GPR174: variants seen among roughly 807,000 people sequenced by gnomAD.
GPR174 encodes probable G protein-coupled receptor 174.
A neutral mutation model predicts 16.5 loss-of-function variants in GPR174; 8 were observed. The ratio of observed to expected loss-of-function variants is 0.48; its 90% CI spans 0.28 to 0.87. The LOEUF (loss-of-function observed/expected upper bound fraction) is 0.87, where lower values mean the gene tolerates loss of function less well. Ranked by LOEUF, GPR174 falls within the 40% of genes least tolerant of loss-of-function variation. The pLI is 0.09. For synonymous variants in GPR174, 111 were observed against 94.8 expected, an observed-to-expected ratio of 1.17 and a Z score of -0.99; for missense variants, 214 against 247.5, an observed-to-expected ratio of 0.86 and a Z score of 0.91.
chrX:79,157,909 G>GA (rs776777651), intron 2 of GPR174, among the ~76,000 whole-genome samples: 1 of 108,850 alleles, frequency 9.2e-6, no homozygotes, highest in Non-Finnish European at 1.9e-5. Flanking sequence ...AAACATGGGG[G>GA]AAAAAAACAC....
chrX:79,146,509 C>A (rs1453022857), intron 1 of GPR174, among the ~76,000 whole-genome samples: 2 of 112,037 alleles, frequency 1.8e-5, no homozygotes, highest in Non-Finnish European at 3.8e-5. Context: ...ACCAGTCACA[C>A]TGGCAAACAT....
Position 79,172,089 on chromosome X carries a change from C to A in GPR174, c.*80C>A. 4 of 1,002,189 alleles carry A rather than the reference C, an allele frequency of 4.0e-6. No individual in the cohort carries two copies. Among genetic ancestry groups the A allele is most frequent in the Non-Finnish European group, 4.1e-6 (3 of 738,240 alleles). 82.6% of individuals were successfully genotyped at this position (1,002,189 alleles called of 1,213,427 possible). A position where few individuals can be genotyped will look rare whatever the true frequency, so the allele number is the denominator to read the frequency against. The stretch of plus-strand genomic sequence containing the variant: ...GCAATACCCAAGCCACAGGGAAGAA[C>A]TTGCAAAACAACACAGCTTTTCAGT... On this transcript the variant is annotated 3_prime_UTR_variant, in exon 3 of 3. Transcript: ENST00000645147.
At chrX:79,154,382 A>G (rs1262480321) in intron 1 of GPR174, among the ~76,000 whole-genome samples, 2 of 111,965 alleles carry the variant, frequency 1.8e-5, no homozygotes, top group Non-Finnish European at 3.8e-5. Context: ...CACTTATCAC[A>G]TCGCAATAGT....
Position 79,173,072 on chromosome X carries a change from A to G in GPR174, c.*1063A>G, listed in dbSNP as rs1193131913. Reference sequence around the variant, plus strand: ...TTCTTACTCTAATACAAGGACACTTACTTAGCTTAGACTGCCAAGTTACTT... The same window carrying G: ...TTCTTACTCTAATACAAGGACACTTGCTTAGCTTAGACTGCCAAGTTACTT... On this transcript the variant is annotated 3_prime_UTR_variant, in exon 3 of 3. Transcript: ENST00000645147. The G allele has an allele frequency of 8.9e-6, 1 of 111,881 alleles. No homozygotes were observed. The highest frequency in any genetic ancestry group is 1.9e-5 in the Non-Finnish European group (1 of 53,171). The allele number at this position is 111,881 out of a possible 1,213,427, so 9.2% of individuals were successfully genotyped here. A position where few individuals can be genotyped will look rare whatever the true frequency, so the allele number is the denominator to read the frequency against.
At chrX:79,162,564 GA>G (rs977612136) in intron 2 of GPR174, among the ~76,000 whole-genome samples, 1 of 112,194 alleles carries the variant, frequency 8.9e-6, no homozygotes, top group African/African-American at 3.2e-5. Context: ...CTGCAAAGAT[GA>G]TACAGAAATG....
Position 79,144,984 on chromosome X carries a change from TTCTTTCTTTCTCTCTCTCTC to T in GPR174, c.-875_-856del, listed in dbSNP as rs1284728477. 6.2e-5 allele frequency: 4 copies of T among 64,201 alleles called. No individual in the cohort carries two copies. Among genetic ancestry groups the T allele is most frequent in the South Asian group, 1.0e-3 (1 of 980 alleles). The allele number at this position is 64,201 out of a possible 1,213,427, so 5.3% of individuals were successfully genotyped here. ...TTTCTTTCTCTTTCTTTCTTTTTCT[TTCTTTCTTTCTCTCTCTCTC>T]TCTTTCTTTCTTTCTTTCTTTCTTT... On this transcript the variant is annotated 5_prime_UTR_variant, in exon 1 of 3. Transcript: ENST00000645147.
At chrX:79,155,834 C>T (rs556365043) in intron 1 of GPR174, among the ~76,000 whole-genome samples, 5 of 111,553 alleles carry the variant, frequency 4.5e-5, no homozygotes, top group African/African-American at 1.3e-4. Flanking sequence ...AGCAAATTTG[C>T]GTAGGTGGAA....
intron 1 of GPR174, among the ~76,000 whole-genome samples, chrX:79,156,201 T>C (rs1483856178): frequency 8.9e-6 from 1 of 111,861 alleles, no homozygotes; most frequent in African/African-American, 3.3e-5. Context: ...CTTGGGCAAG[T>C]GATCATTAGG....
Position 79,164,718 on chromosome X carries a change from TAAAG to T in GPR174, c.-556-5731_-556-5728del, listed in dbSNP as rs1484362126. Reference sequence around the variant, plus strand: ...GGAAAAATGGTAGAAAATTGAGAAATAAAGAACCAGAATCCTGTTTAGTAGGAGT... The same window carrying T: ...GGAAAAATGGTAGAAAATTGAGAAATAACCAGAATCCTGTTTAGTAGGAGT... On this transcript the variant is annotated intron_variant, in intron 2 of 2. Transcript: ENST00000645147. 4.5e-5 allele frequency among the ~76,000 whole-genome samples: 5 copies of T among 111,634 alleles called. No homozygotes were observed. In the Middle Eastern group the frequency reaches 0.018, roughly 412 times the overall value.
rs769386433 is a variant in GPR174, at chrX:79,156,293, A to G, written c.-653-529A>G. On this transcript the variant is annotated intron_variant, in intron 1 of 2. Transcript: ENST00000645147. ...ATAAGAAACTATCTACAAGCATTTT[A>G]AGGGTACATGTAAGGCAGCTTTGTG... Among the ~76,000 whole-genome samples the G allele has an allele frequency of 3.6e-5, 4 of 112,152 alleles. No individual in the cohort carries two copies. The Admixed American group carries it at 3.8e-4, about 11-fold the overall frequency.
rs978800573 is a variant in GPR174 at position 79,175,182 on chromosome X, G to GCGCAAT, written c.*3178_*3179insTCGCAA. 1 of 111,491 alleles carries GCGCAAT rather than the reference G, an allele frequency of 9.0e-6. No individual in the cohort carries two copies. Among genetic ancestry groups the GCGCAAT allele is most frequent in the African/African-American group, 3.3e-5 (1 of 30,658 alleles). 9.2% of individuals were successfully genotyped at this position (111,491 alleles called of 1,213,427 possible). The stretch of plus-strand genomic sequence containing the variant: ...GAGAGGGTGCATCTGTGGAACTCTT[G>GCGCAAT]CGCAACTTACATTTTATGTCACCTT... On this transcript the variant is annotated 3_prime_UTR_variant, in exon 3 of 3. Transcript: ENST00000645147.
rs1450499246 is a variant in GPR174, at chrX:79,167,858, A to G, written c.-556-2594A>G. ...ACATATGTGTTTCCTCTCTTCATGA[A>G]ATTGACCTTTGAGGGAACTCATAGA... is the stretch of plus-strand genomic sequence containing the variant. On this transcript the variant is annotated intron_variant, in intron 2 of 2. Coordinates refer to ENST00000645147, the MANE Select transcript of GPR174 (RefSeq NM_032553.3). Among the ~76,000 whole-genome samples the G allele has an allele frequency of 5.4e-5, 6 of 112,070 alleles. No homozygotes were observed. The Admixed American group carries it at 5.7e-4, about 11-fold the overall frequency.
chrX:79,158,430 TTTTC>T (rs1330247896), intron 2 of GPR174, among the ~76,000 whole-genome samples: 2 of 91,158 alleles, frequency 2.2e-5, no homozygotes, highest in African/African-American at 3.9e-5. Flanking sequence ...GCATATTTCT[TTTTC>T]TTTCTTTCTT....
rs150069045 is a variant in GPR174, at chrX:79,162,337, C to T, written c.-557+5419C>T. Among the ~76,000 whole-genome samples, 14 of 109,822 alleles carry T rather than the reference C, an allele frequency of 1.3e-4. No homozygotes were observed. The East Asian group carries it at 2.5e-3, about 20-fold the overall frequency. On this transcript the variant is annotated intron_variant, in intron 2 of 2. Coordinates refer to ENST00000645147, the MANE Select transcript of GPR174 (RefSeq NM_032553.3). ...GACCAGTAAGGAAGAGCAAATTTCC[C>T]GGCAGATAGGCTTGAGGGGAGAGGA...
At position 79,172,815 on chromosome X, in the gene GPR174, A is replaced by G. The variant is rs1921552051; in HGVS notation, c.*806A>G. ...GAGAAAGCAGAAAGGTGACAATCAC[A>G]ATTCTGCTCTCTTACACTTTTTCTA... On this transcript the variant is annotated 3_prime_UTR_variant, in exon 3 of 3. Transcript: ENST00000645147. The G allele has an allele frequency of 9.0e-6, 1 of 111,656 alleles. No individual in the cohort carries two copies. The allele number at this position is 111,656 out of a possible 1,213,427, so 9.2% of individuals were successfully genotyped here.
chrX:79,150,677 C>T (rs1287514581), intron 1 of GPR174, among the ~76,000 whole-genome samples: 1 of 111,075 alleles, frequency 9.0e-6, no homozygotes, highest in Non-Finnish European at 1.9e-5. Flanking sequence ...ATAACCCTTT[C>T]CTGAGTGAGG....
At position 79,173,053 on chromosome X, in the gene GPR174, C is replaced by T. The variant is rs1175469444; in HGVS notation, c.*1044C>T. The T allele has an allele frequency of 8.9e-6, 1 of 111,763 alleles. No homozygotes were observed. Among genetic ancestry groups the T allele is most frequent in the African/African-American group, 3.3e-5 (1 of 30,708 alleles). The allele number at this position is 111,763 out of a possible 1,213,427, so 9.2% of individuals were successfully genotyped here. ...AATTCTCATCACATTGTATTTCTTA[C>T]TCTAATACAAGGACACTTACTTAGC... On this transcript the variant is annotated 3_prime_UTR_variant, in exon 3 of 3. Coordinates refer to ENST00000645147, the MANE Select transcript of GPR174 (RefSeq NM_032553.3).
chrX:79,159,708 A>G (rs959089627), intron 2 of GPR174, among the ~76,000 whole-genome samples: 3 of 111,925 alleles, frequency 2.7e-5, no homozygotes, highest in African/African-American at 9.7e-5. Context: ...ATGCCTTATT[A>G]TTTATCAAAA....
At chrX:79,153,518 T>C (rs932460241) in intron 1 of GPR174, among the ~76,000 whole-genome samples, 1 of 111,303 alleles carries the variant, frequency 9.0e-6, no homozygotes, top group Non-Finnish European at 1.9e-5. Flanking sequence ...TGTGTTTCTA[T>C]ATGGGGTAGA....
Sources: allele counts gnomAD v4.1 joint callset (sites outside exome capture counted in the v4.1 genomes callset), GRCh38; gene constraint gnomAD v4.1.1; transcripts MANE v1.5; gene names NCBI Gene and HGNC (gene_info 2026-07-23, HGNC 2026-07-21).